Variants in PDE10A observed in about 807,000 individuals in gnomAD.
The protein encoded by PDE10A is phosphodiesterase 10A.
PDE10A carries 39 observed loss-of-function variants against 97.7 expected under a neutral mutation model. The ratio of observed to expected loss-of-function variants is 0.40; its 90% CI spans 0.31 to 0.52. The LOEUF is 0.52. Among genes scored for constraint, PDE10A ranks in the 20% least tolerant of loss-of-function variants. The pLI, the probability that PDE10A is intolerant of heterozygous loss-of-function variation, is 0.56. For missense variants in PDE10A, 731 were observed against 1,047.8 expected, an observed-to-expected ratio of 0.70 and a Z score of 4.17; for synonymous variants, 371 against 376.8, an observed-to-expected ratio of 0.98 and a Z score of 0.18.
chr6:165,981,567 C>T (rs1044587597), intron 1 of PDE10A, among the ~76,000 whole-genome samples: 35 of 152,186 alleles, frequency 2.3e-4, no homozygotes, highest in African/African-American at 8.4e-4. Context: ...GGCCTCTGTT[C>T]CATTCTGCAG....
At chr6:165,575,655 C>A (rs192674454) in intron 1 of PDE10A, among the ~76,000 whole-genome samples, 1 of 152,292 alleles carries the variant, frequency 6.6e-6, no homozygotes, top group East Asian at 1.9e-4. Context: ...ACCTGGTAAA[C>A]CCATCACACC....
intron 2 of PDE10A, among the ~76,000 whole-genome samples, chr6:165,516,291 T>C (rs543521431): frequency 2.8e-4 from 43 of 152,170 alleles, no homozygotes; most frequent in Non-Finnish European, 6.0e-4. Flanking sequence ...AACAAAAATG[T>C]CACCTTCCAT....
chr6:165,793,931 C>G (rs1263338037), intron 1 of PDE10A, among the ~76,000 whole-genome samples: 4 of 152,130 alleles, frequency 2.6e-5, no homozygotes, highest in Non-Finnish European at 5.9e-5. Context: ...TTAATCTTCA[C>G]AAAAATTCTG....
At chr6:165,961,834 T>G (rs1337467425) in intron 1 of PDE10A, among the ~76,000 whole-genome samples, 1 of 152,206 alleles carries the variant, frequency 6.6e-6, no homozygotes, top group Non-Finnish European at 1.5e-5. Flanking sequence ...TCCATAATAT[T>G]CTTCTTAGCC....
chr6:165,930,968 G>A (rs1783115128), intron 1 of PDE10A, among the ~76,000 whole-genome samples: 1 of 152,214 alleles, frequency 6.6e-6, no homozygotes, highest in African/African-American at 2.4e-5. Context: ...AGCCAGCCCC[G>A]TGAAATATGG....
chr6:165,704,033 T>G (rs1671095308), intron 1 of PDE10A, among the ~76,000 whole-genome samples: 1 of 152,162 alleles, frequency 6.6e-6, no homozygotes, highest in African/African-American at 2.4e-5. Flanking sequence ...CCCAAACATA[T>G]TCACACTCGT....
At chr6:165,861,206 A>G (rs184442090) in intron 1 of PDE10A, among the ~76,000 whole-genome samples, 10 of 152,328 alleles carry the variant, frequency 6.6e-5, no homozygotes, top group Non-Finnish European at 1.5e-4. Flanking sequence ...TGGAAGAGAA[A>G]GCTGGAGTGC....
intron 1 of PDE10A, among the ~76,000 whole-genome samples, chr6:165,559,235 G>C (rs1784407584): frequency 6.6e-6 from 1 of 152,158 alleles, no homozygotes; most frequent in Non-Finnish European, 1.5e-5. Context: ...TTGCCCATAG[G>C]ACGGCTATAT....
At chr6:165,437,344 T>C (rs1434063115) in intron 5 of PDE10A, among the ~76,000 whole-genome samples, 7 of 152,304 alleles carry the variant, frequency 4.6e-5, no homozygotes, top group Non-Finnish European at 5.9e-5. Context: ...TATACATTCC[T>C]ACATTATTAG....
intron 1 of PDE10A, among the ~76,000 whole-genome samples, chr6:165,722,910 A>ATG (rs1364764322): frequency 6.6e-6 from 1 of 151,998 alleles, no homozygotes; most frequent in African/African-American, 2.4e-5. Context: ...ACATATACAT[A>ATG]TGTGTGTATA....
At chr6:165,430,999 T>A (rs77589470) in intron 8 of PDE10A, among the ~76,000 whole-genome samples, 5 of 152,114 alleles carry the variant, frequency 3.3e-5, no homozygotes, top group African/African-American at 1.2e-4. Flanking sequence ...AAATTAGATA[T>A]CTTCAAAAGA....
chr6:165,923,388 G>A (rs576140589), intron 1 of PDE10A, among the ~76,000 whole-genome samples: 5 of 152,334 alleles, frequency 3.3e-5, no homozygotes, highest in Admixed American at 2.6e-4. Flanking sequence ...TGACCACATC[G>A]TGGCAGGTGG....
At chr6:165,601,284 C>T (rs2128395254) in intron 1 of PDE10A, among the ~76,000 whole-genome samples, 1 of 152,284 alleles carries the variant, frequency 6.6e-6, no homozygotes, top group African/African-American at 2.4e-5. Flanking sequence ...TCTTTCTTCC[C>T]AGTCTCGGGT....
intron 1 of PDE10A, among the ~76,000 whole-genome samples, chr6:165,698,362 C>T (rs527963716): frequency 6.6e-6 from 1 of 152,038 alleles, no homozygotes; most frequent in African/African-American, 2.4e-5. Flanking sequence ...GAATAAATAA[C>T]CCTAATAAAG....
intron 1 of PDE10A, among the ~76,000 whole-genome samples, chr6:165,886,326 G>A (rs755948420): frequency 6.7e-6 from 1 of 150,358 alleles, no homozygotes; most frequent in Admixed American, 6.6e-5. Flanking sequence ...GAATACTGGA[G>A]CCCTGGAGCC....
chr6:165,955,280 CTT>C (rs755294310), intron 1 of PDE10A, among the ~76,000 whole-genome samples: 1 of 152,196 alleles, frequency 6.6e-6, no homozygotes, highest in African/African-American at 2.4e-5. Flanking sequence ...TGGCATCCCT[CTT>C]TTATTTTCCA....
chr6:165,425,076 A>G (rs1039938668), intron 10 of PDE10A, among the ~76,000 whole-genome samples: 6 of 152,166 alleles, frequency 3.9e-5, no homozygotes, highest in Admixed American at 3.9e-4. Flanking sequence ...AACAAACACA[A>G]AGAAATAAGT....
intron 1 of PDE10A, among the ~76,000 whole-genome samples, chr6:165,644,029 G>C (rs1269528948): frequency 6.6e-6 from 1 of 152,088 alleles, no homozygotes; most frequent in Non-Finnish European, 1.5e-5. Context: ...CAGACCTGTT[G>C]TCAGGTAGAC....
At chr6:165,875,459 A>G (rs2461731) in intron 1 of PDE10A, among the ~76,000 whole-genome samples, 117,041 of 152,132 alleles carry the variant, frequency 0.77, 45,253 homozygotes, top group East Asian at 0.96. Flanking sequence ...TAGTCGTTAC[A>G]GATATTTTAA....
Sources: allele counts gnomAD v4.1 joint callset (sites outside exome capture counted in the v4.1 genomes callset), GRCh38; gene constraint gnomAD v4.1.1; transcripts MANE v1.5; gene names NCBI Gene and HGNC (gene_info 2026-07-23, HGNC 2026-07-21).